CEP83: variants seen among roughly 807,000 people sequenced by gnomAD.
CEP83 encodes centrosomal protein of 83 kDa.
CEP83 carries 70 observed loss-of-function variants against 101.9 expected under a neutral mutation model. The observed-to-expected ratio is 0.69, with a 90% CI of 0.57 to 0.84. CEP83 has a LOEUF of 0.84. CEP83 is among the 40% of genes least tolerant of loss of function. The pLI, the probability that CEP83 is intolerant of heterozygous loss-of-function variation, is 0.00. For missense variants in CEP83, 715 were observed against 787.2 expected (o/e 0.91, Z 1.10); for synonymous variants, 264 against 267.9 (o/e 0.99, Z 0.14).
At chr12:94,371,081 G>A (rs1282162701) in intron 8 of CEP83, among the ~76,000 whole-genome samples, 5 of 152,198 alleles carry the variant, frequency 3.3e-5, no homozygotes, top group Non-Finnish European at 5.9e-5. Context: ...GTTATTATAT[G>A]TATAACATCA....
chr12:94,353,162 C>T (rs958518632), intron 11 of CEP83, among the ~76,000 whole-genome samples: 1 of 152,084 alleles, frequency 6.6e-6, no homozygotes, highest in African/African-American at 2.4e-5. Flanking sequence ...TCAAGAGAAA[C>T]CTTACAGGCA....
At chr12:94,409,014 C>G (rs991108243) in intron 4 of CEP83, among the ~76,000 whole-genome samples, 4 of 151,742 alleles carry the variant, frequency 2.6e-5, no homozygotes, top group African/African-American at 9.7e-5. Flanking sequence ...CCTATAAAAG[C>G]CAAAGAGATG....
chr12:94,447,875 C>T (rs889749844), intron 1 of CEP83, among the ~76,000 whole-genome samples: 3 of 151,678 alleles, frequency 2.0e-5, no homozygotes, highest in African/African-American at 7.3e-5. Flanking sequence ...ATATTTAACA[C>T]AGAAAGATGG....
chr12:94,412,321 GT>G lies in CEP83; in HGVS notation c.169del (p.Thr57GlnfsTer8). ...CTTCTAGATTTAAGTAATTTACCTT[GT>G]GTGTTCAGCCTTCAGTGTCTGATAA... ...ANYQTLKAEH[T>X]RLQNEHVKLQ... is the part of the protein sequence containing the mutation. On this transcript the variant is annotated frameshift_variant, in exon 3 of 17. Transcript: ENST00000397809. LOFTEE classifies it high-confidence loss of function. 6.3e-7 allele frequency: 1 copy of G among 1,595,738 alleles called. No homozygotes were observed.
chr12:94,300,831 C>G, the CEP83 span: 1 of 1,355,486 alleles, frequency 7.4e-7, no homozygotes, highest in African/African-American at 1.4e-5. Flanking sequence ...CAAAAACACC[C>G]GTTTACAAAC....
intron 9 of CEP83, 55 bp downstream of exon 9, chr12:94,369,867 A>T (rs781499201): frequency 2.7e-5 from 24 of 880,244 alleles, no homozygotes; most frequent in Admixed American, 1.1e-4. Context: ...TAATAATTTG[A>T]GTTCATATCT....
chr12:94,268,462 A>G, the CEP83 span, among the ~76,000 whole-genome samples: 1 of 152,152 alleles, frequency 6.6e-6, no homozygotes, highest in African/African-American at 2.4e-5. Context: ...CAACAGTGAG[A>G]CAGAATGCCC....
In CEP83 at chr12:94,456,323, C is replaced by G. The variant is rs367803444; in HGVS notation, c.-155+3234G>C. ...ATTCCGTGAATTCCCACTCTTCAAT[C>G]TTTTTTATAGTTTACTGTTGCCATT... On this transcript the variant is annotated intron_variant, in intron 1 of 16. Transcript: ENST00000397809. Among the ~76,000 whole-genome samples the G allele has an allele frequency of 9.2e-5, 14 of 152,238 alleles. No homozygotes were observed. In the East Asian group the frequency reaches 1.5e-3, roughly 17 times the overall value.
downstream of CEP83, among the ~76,000 whole-genome samples, chr12:94,301,939 G>A (rs139250566): frequency 6.6e-6 from 1 of 151,872 alleles, no homozygotes; most frequent in East Asian, 1.9e-4. Context: ...AATGTCTGTC[G>A]CTCCCTCCTC....
intron 4 of CEP83, among the ~76,000 whole-genome samples, chr12:94,409,933 T>A (rs1054080388): frequency 2.0e-5 from 3 of 152,184 alleles, no homozygotes; most frequent in African/African-American, 7.2e-5. Flanking sequence ...ACTAATTACA[T>A]CTGTAATGAA....
chr12:94,280,374 T>C, the CEP83 span, among the ~76,000 whole-genome samples: 1 of 152,166 alleles, frequency 6.6e-6, no homozygotes, highest in Admixed American at 6.5e-5. Context: ...TGACAGACAG[T>C]GTAACGAGGT....
At chr12:94,393,875 T>C (rs909980720) in intron 6 of CEP83, among the ~76,000 whole-genome samples, 5 of 152,168 alleles carry the variant, frequency 3.3e-5, no homozygotes, top group Admixed American at 2.6e-4. Flanking sequence ...CCATTCACAA[T>C]TGCTACAAAG....
chr12:94,385,650 C>T (rs1197700975), intron 6 of CEP83, among the ~76,000 whole-genome samples: 1 of 152,134 alleles, frequency 6.6e-6, no homozygotes, highest in Non-Finnish European at 1.5e-5. Flanking sequence ...AATGAACCCA[C>T]CTGGGCTGCC....
intron 1 of CEP83, among the ~76,000 whole-genome samples, chr12:94,454,175 C>T (rs903004718): frequency 1.3e-5 from 2 of 151,818 alleles, no homozygotes; most frequent in East Asian, 1.9e-4. Flanking sequence ...AGAAGTAATA[C>T]AAAAATGTTA....
At chr12:94,411,367 C>T (rs2063868846) in intron 4 of CEP83, among the ~76,000 whole-genome samples, 1 of 152,014 alleles carries the variant, frequency 6.6e-6, no homozygotes, top group Non-Finnish European at 1.5e-5. Flanking sequence ...TATACAAATA[C>T]TAGTAACTCT....
intron 12 of CEP83, among the ~76,000 whole-genome samples, chr12:94,335,003 T>G (rs2059392037): frequency 6.6e-6 from 1 of 152,010 alleles, no homozygotes; most frequent in South Asian, 2.1e-4. Context: ...AACTCGCATA[T>G]GAGCATGAAT....
At position 94,347,050 on chromosome 12, in the gene CEP83, A is replaced by AATAT. The variant is rs137940620; in HGVS notation, c.1344-11390_1344-11387dup. 5.6e-3 allele frequency among the ~76,000 whole-genome samples: 736 copies of AATAT among 132,016 alleles called. 7 individuals are homozygous for AATAT. The highest frequency in any genetic ancestry group is 0.023 in the East Asian group (112 of 4,796). 86.6% of individuals were successfully genotyped at this position (132,016 alleles called of 152,430 possible). Reference sequence around the variant, plus strand: ...AAGATCCTGTATCAAAAAATAAACAAATATATATATATATATATACACATA... The same window carrying AATAT: ...AAGATCCTGTATCAAAAAATAAACAAATATATATATATATATATATATACACATA... On this transcript the variant is annotated intron_variant, in intron 11 of 16. Coordinates refer to ENST00000397809, the MANE Select transcript of CEP83 (RefSeq NM_016122.3).
the CEP83 span, among the ~76,000 whole-genome samples, chr12:94,291,316 C>T: frequency 6.6e-6 from 1 of 152,308 alleles, no homozygotes; most frequent in African/African-American, 2.4e-5. Context: ...GCTCACTGCA[C>T]CCTTGACCTC....
At chr12:94,348,250 A>G (rs1246109866) in intron 11 of CEP83, among the ~76,000 whole-genome samples, 1 of 152,088 alleles carries the variant, frequency 6.6e-6, no homozygotes, top group Non-Finnish European at 1.5e-5. Flanking sequence ...CTACTTTTCA[A>G]AAGGAGGAGC....
Sources: gnomAD v4.1 joint callset for allele counts (sites outside exome capture counted in the v4.1 genomes callset) on GRCh38, gnomAD v4.1.1 for gene constraint, MANE v1.5 for transcripts, NCBI Gene and HGNC (gene_info 2026-07-23, HGNC 2026-07-21) for gene names.